HELQ: variants seen among roughly 807,000 people sequenced by gnomAD.
The protein encoded by HELQ is helicase, POLQ like.
Under a neutral mutation model 111.6 loss-of-function variants are expected in HELQ, and 77 were observed. The ratio of observed to expected loss-of-function variants is 0.69; its 90% confidence interval spans 0.57 to 0.83. HELQ has a LOEUF of 0.83. Among genes scored for constraint, HELQ ranks in the 40% least tolerant of loss-of-function variants. The pLI, the probability that HELQ is intolerant of heterozygous loss-of-function variation, is 0.00. For synonymous variants in HELQ, 438 were observed against 454.7 expected (o/e 0.96, Z 0.47); for missense variants, 1,200 against 1,288.5 (o/e 0.93, Z 1.05).
At chr4:83,454,216 C>CAAAA (rs765184458) in intron 1 of HELQ, among the ~76,000 whole-genome samples, 6 of 151,982 alleles carry the variant, frequency 3.9e-5, no homozygotes, top group Non-Finnish European at 8.8e-5. Context: ...AAAACCAAAA[C>CAAAA]AAACAAACAA....
At chr4:83,424,746 T>C (rs901641315) in intron 14 of HELQ, among the ~76,000 whole-genome samples, 19 of 151,942 alleles carry the variant, frequency 1.3e-4, no homozygotes, top group Non-Finnish European at 1.8e-4. Flanking sequence ...TTAGTGGAGA[T>C]AGGGTTTCAC....
At chr4:83,427,351 A>T (rs946933059) in intron 13 of HELQ, among the ~76,000 whole-genome samples, 1 of 152,162 alleles carries the variant, frequency 6.6e-6, no homozygotes, top group Non-Finnish European at 1.5e-5. Flanking sequence ...GTGAATAATC[A>T]CTTCATAAAA....
chr4:83,455,220 T>C, intron 1 of HELQ, 177 bp downstream of exon 1: 1 of 1,328,920 alleles, frequency 7.5e-7, no homozygotes, highest in Non-Finnish European at 1.0e-6. Flanking sequence ...TGTCTCGGGG[T>C]TTACATTTCA....
At chr4:83,439,763 T>C in intron 8 of HELQ, 100 bp downstream of exon 8, 1 of 771,822 alleles carries the variant, frequency 1.3e-6, no homozygotes, top group South Asian at 1.9e-5. Context: ...CTTAATATGA[T>C]GTTTTGCAAG....
intron 6 of HELQ, among the ~76,000 whole-genome samples, chr4:83,442,837 C>T (rs1010138444): frequency 1.1e-4 from 17 of 152,042 alleles, no homozygotes; most frequent in Middle Eastern, 3.2e-3. Flanking sequence ...CAGGTGTGAG[C>T]CACTGCACCC....
intron 16 of HELQ, among the ~76,000 whole-genome samples, chr4:83,417,094 T>A (rs1242642318): frequency 6.6e-6 from 1 of 152,144 alleles, no homozygotes; most frequent in Non-Finnish European, 1.5e-5. Flanking sequence ...TCAACTGATG[T>A]GTGCTGCAAT....
chr4:83,439,657 A>C (rs1439500458), intron 8 of HELQ, among the ~76,000 whole-genome samples: 1 of 152,196 alleles, frequency 6.6e-6, no homozygotes, highest in Non-Finnish European at 1.5e-5. Context: ...CATGGTGCCC[A>C]GCCACCTTAG....
At position 83,407,530 on chromosome 4, in the gene HELQ, G is replaced by T. The variant is rs533353933; in HGVS notation, c.3229C>A (p.Gln1077Lys). The change falls in exon 18 of 18, where the codon CAA becomes AAA. Residue 1077 changes from glutamine to lysine, a missense_variant. This residue lies in a region of HELQ where 585 missense variants were observed against 665.3 expected (regional missense o/e 0.88). Transcript: ENST00000295488. Reference sequence around the variant, plus strand: ...CTTAGTAACTCTTCTACCTCTTCTTGCAGGGCTTCTGCTTTTTCATGCAAC... The same window carrying T: ...CTTAGTAACTCTTCTACCTCTTCTTTCAGGGCTTCTGCTTTTTCATGCAAC... Reference protein sequence around the residue: ...MLLHEKAEALQEEVEELLRLP... With the variant: ...MLLHEKAEALKEEVEELLRLP... 1.8e-4 allele frequency: 284 copies of T among 1,611,726 alleles called. 4 individuals carry two copies. In the South Asian group the frequency reaches 3.0e-3, roughly 17 times the overall value.
At chr4:83,431,086 C>T (rs2109987137) in intron 11 of HELQ, among the ~76,000 whole-genome samples, 1 of 152,064 alleles carries the variant, frequency 6.6e-6, no homozygotes, top group Admixed American at 6.5e-5. Context: ...TTAATTTCAT[C>T]ACCATGTCCC....
intron 8 of HELQ, among the ~76,000 whole-genome samples, chr4:83,438,357 T>C (rs1400701672): frequency 1.3e-5 from 2 of 152,194 alleles, no homozygotes; most frequent in Non-Finnish European, 2.9e-5. Flanking sequence ...AGAGCCAATA[T>C]TAAGATACTA....
At chr4:83,425,045 C>T (rs1009386407) in intron 14 of HELQ, among the ~76,000 whole-genome samples, 4 of 151,720 alleles carry the variant, frequency 2.6e-5, no homozygotes, top group South Asian at 2.1e-4. Flanking sequence ...TTTGGGAGAA[C>T]GAGGCGGGTG....
chr4:83,451,923 T>C (rs544550092), intron 2 of HELQ, among the ~76,000 whole-genome samples: 28 of 152,346 alleles, frequency 1.8e-4, no homozygotes, highest in Non-Finnish European at 2.4e-4. Context: ...TCCAACCTGA[T>C]TGTCTTCTCT....
intron 5 of HELQ, among the ~76,000 whole-genome samples, chr4:83,444,663 C>T (rs1213715690): frequency 9.9e-5 from 15 of 152,168 alleles, no homozygotes; most frequent in Admixed American, 9.8e-4. Flanking sequence ...GCAAATGTTT[C>T]TTCATTGCTC....
intron 8 of HELQ, among the ~76,000 whole-genome samples, chr4:83,439,636 CAGGCATG>C (rs1720666094): frequency 6.6e-6 from 1 of 152,226 alleles, no homozygotes; most frequent in African/African-American, 2.4e-5. Context: ...GCTGGGATTA[CAGGCATG>C]AGCCATGGTG....
chr4:83,409,652 A>G (rs537912823), intron 17 of HELQ, among the ~76,000 whole-genome samples: 1 of 152,226 alleles, frequency 6.6e-6, no homozygotes, highest in South Asian at 2.1e-4. Flanking sequence ...AAAAACTGTA[A>G]CACAACACTC....
intron 5 of HELQ, among the ~76,000 whole-genome samples, chr4:83,444,998 G>C (rs187909795): frequency 6.6e-6 from 1 of 152,130 alleles, no homozygotes; most frequent in Non-Finnish European, 1.5e-5. Flanking sequence ...GAAAGGATGA[G>C]GTACTGAACT....
At chr4:83,430,906 C>G (rs868404170) in intron 11 of HELQ, among the ~76,000 whole-genome samples, 1 of 151,984 alleles carries the variant, frequency 6.6e-6, no homozygotes, top group Non-Finnish European at 1.5e-5. Context: ...GGCAGGGGAA[C>G]CTTTACTTGA....
intron 17 of HELQ, among the ~76,000 whole-genome samples, chr4:83,408,377 T>C (rs1738904299): frequency 6.6e-6 from 1 of 152,020 alleles, no homozygotes; most frequent in South Asian, 2.1e-4. Flanking sequence ...CTCAGCCTTC[T>C]GAGTAGCTGG....
intron 14 of HELQ, among the ~76,000 whole-genome samples, chr4:83,423,772 A>G (rs890103029): frequency 2.0e-5 from 3 of 152,070 alleles, no homozygotes; most frequent in Non-Finnish European, 4.4e-5. Context: ...TTAGCTGTAT[A>G]TGATGGCGGG....
Sources: gnomAD v4.1 joint callset for allele counts (sites outside exome capture counted in the v4.1 genomes callset) on GRCh38, gnomAD v4.1.1 for gene constraint, gnomAD v4.1.1 regional missense constraint, MANE v1.5 for transcripts, NCBI Gene and HGNC (gene_info 2026-07-23, HGNC 2026-07-21) for gene names.